The following CD44 variants were observed in gnomAD, a reference collection of about 807,000 sequenced individuals.
CD44 encodes CD44 antigen.
A neutral mutation model predicts 88.8 loss-of-function variants in CD44; 49 were observed. The ratio of observed to expected loss-of-function variants is 0.55; its 90% CI spans 0.44 to 0.70. The LOEUF is 0.70. Among genes scored for constraint, CD44 ranks in the 30% least tolerant of loss-of-function variants. CD44 has a pLI of 0.00. For missense variants in CD44, 883 were observed against 913.8 expected (o/e 0.97, Z 0.43); for synonymous variants, 325 against 312.3 (o/e 1.04, Z -0.43).
chr11:35,190,569 A>C (rs1308816735), intron 5 of CD44: 2 of 166,426 alleles, frequency 1.2e-5, no homozygotes, highest in African/African-American at 4.8e-5. Context: ...GACAATGAGC[A>C]GTAGGATATA....
intron 16 of CD44, among the ~76,000 whole-genome samples, chr11:35,221,078 G>T (rs1949257053): frequency 6.6e-6 from 1 of 152,150 alleles, no homozygotes; most frequent in Non-Finnish European, 1.5e-5. Context: ...ATTTTAAAAT[G>T]TAAAATATAT....
At chr11:35,190,565 G>C (rs1273559632) in intron 5 of CD44, 1 of 167,146 alleles carries the variant, frequency 6.0e-6, no homozygotes, top group African/African-American at 2.4e-5. Flanking sequence ...TGATGACAAT[G>C]AGCAGTAGGA....
chr11:35,221,828 G>A, intron 17 of CD44, 96 bp downstream of exon 17: 1 of 1,105,274 alleles, frequency 9.0e-7, no homozygotes, highest in Admixed American at 1.7e-5. Flanking sequence ...CCTGGAACCA[G>A]CAGCCTGGGT....
intron 1 of CD44, among the ~76,000 whole-genome samples, chr11:35,146,777 C>T (rs1165937321): frequency 2.6e-5 from 4 of 152,112 alleles, no homozygotes; most frequent in Non-Finnish European, 4.4e-5. Flanking sequence ...GAAATCCAGA[C>T]GATTGTACCT....
intron 15 of CD44, among the ~76,000 whole-genome samples, chr11:35,217,186 G>T (rs1948896855): frequency 1.3e-5 from 2 of 151,934 alleles, no homozygotes; most frequent in Admixed American, 6.5e-5. Context: ...TTTGGCTTCT[G>T]AGCAGGTGTC....
chr11:35,203,946 C>CATGT (rs1947561098), intron 9 of CD44, among the ~76,000 whole-genome samples: 1 of 152,172 alleles, frequency 6.6e-6, no homozygotes, highest in Admixed American at 6.5e-5. Flanking sequence ...TTTTAGGTGC[C>CATGT]ATGTGGACAT....
chr11:35,181,643 G>A (rs1443060566), intron 3 of CD44, among the ~76,000 whole-genome samples: 1 of 139,302 alleles, frequency 7.2e-6, no homozygotes, highest in Non-Finnish European at 1.5e-5. Flanking sequence ...TTATCAGCCT[G>A]AGACAAACAC....
chr11:35,139,456 C>T, intron 1 of CD44, 86 bp downstream of exon 1: 2 of 1,212,144 alleles, frequency 1.6e-6, no homozygotes, highest in Non-Finnish European at 2.4e-6. Context: ...CTGAGTCGGC[C>T]CTGGGGGACT....
chr11:35,176,796 T>A, intron 2 of CD44, 56 bp downstream of exon 2: 2 of 1,545,828 alleles, frequency 1.3e-6, no homozygotes, highest in Non-Finnish European at 1.8e-6. Flanking sequence ...ACCAGGCAGC[T>A]GGGCTTAGAA....
intron 11 of CD44, among the ~76,000 whole-genome samples, chr11:35,206,538 T>C (rs1392289466): frequency 2.6e-5 from 4 of 151,884 alleles, no homozygotes; most frequent in African/African-American, 9.7e-5. Flanking sequence ...TTGCCAACAA[T>C]AAACGCTAAA....
At chr11:35,145,002 G>A (rs1268830812) in intron 1 of CD44, among the ~76,000 whole-genome samples, 1 of 152,200 alleles carries the variant, frequency 6.6e-6, no homozygotes, top group Non-Finnish European at 1.5e-5. Context: ...TAAGCCACAT[G>A]TTTGATTCTT....
chr11:35,196,941 C>G (rs1946817018), intron 6 of CD44, 67 bp downstream of exon 6: 1 of 1,533,246 alleles, frequency 6.5e-7, no homozygotes, highest in Admixed American at 1.8e-5. Context: ...TGATTGACCT[C>G]TGGGATGTTA....
Position 35,139,206 on chromosome 11 carries a change from C to T in CD44, c.-98C>T, listed in dbSNP as rs531754398. 94 of 906,592 alleles carry T rather than the reference C, an allele frequency of 1.0e-4. No individual in the cohort carries two copies. The Admixed American group carries it at 1.7e-3, about 16-fold the overall frequency. 56.2% of individuals were successfully genotyped at this position (906,592 alleles called of 1,614,324 possible). On this transcript the variant is annotated 5_prime_UTR_variant, in exon 1 of 18. Coordinates refer to ENST00000428726, the MANE Select transcript of CD44 (RefSeq NM_000610.4). ...AGCGGACCCCAGCCTCTGCCAGGTT[C>T]GGTCCGCCATCCTCGTCCCGTCCTC...
chr11:35,175,864 C>CTTTTTTTT (rs71457374), intron 1 of CD44, among the ~76,000 whole-genome samples: 2 of 123,186 alleles, frequency 1.6e-5, no homozygotes, highest in South Asian at 2.7e-4. Context: ...TTTGTTTGTT[C>CTTTTTTTT]TTTTTTTTTT....
At chr11:35,203,877 A>G (rs1947557199) in intron 9 of CD44, among the ~76,000 whole-genome samples, 1 of 152,220 alleles carries the variant, frequency 6.6e-6, no homozygotes, top group African/African-American at 2.4e-5. Flanking sequence ...TAATGCCTCA[A>G]ACTGGCTTGG....
At chr11:35,225,344 G>T (rs1274720975) in intron 17 of CD44, among the ~76,000 whole-genome samples, 1 of 152,142 alleles carries the variant, frequency 6.6e-6, no homozygotes, top group Non-Finnish European at 1.5e-5. Context: ...TGCCATAAAA[G>T]TATGTTACCT....
chr11:35,166,910 A>G (rs1231009815), intron 1 of CD44, among the ~76,000 whole-genome samples: 2 of 152,350 alleles, frequency 1.3e-5, no homozygotes, highest in South Asian at 2.1e-4. Context: ...ACCAAGTGTG[A>G]TTCTGGCCTC....
In CD44 at chr11:35,181,926, T is replaced by TATTATAA. The variant is rs10675782; in HGVS notation, c.367+1519_367+1520insATTATAA. ...TATATAATATATATTATATATTATATTATATATAAATTATATATAATATAT... is the reference window on the plus strand; with the variant it reads ...TATATAATATATATTATATATTATATATTATAATATATATAAATTATATATAATATAT... On this transcript the variant is annotated intron_variant, in intron 3 of 17. Coordinates refer to ENST00000428726, the MANE Select transcript of CD44 (RefSeq NM_000610.4). 5.9e-3 allele frequency among the ~76,000 whole-genome samples: 261 copies of TATTATAA among 44,316 alleles called. 4 individuals carry two copies. Among genetic ancestry groups the TATTATAA allele is most frequent in the African/African-American group, 0.024 (254 of 10,510 alleles). 29.1% of individuals were successfully genotyped at this position (44,316 alleles called of 152,430 possible).
intron 10 of CD44, among the ~76,000 whole-genome samples, chr11:35,205,359 A>G (rs944890061): frequency 1.3e-5 from 2 of 152,128 alleles, no homozygotes; most frequent in Middle Eastern, 3.2e-3. Flanking sequence ...AGTGAGAAAT[A>G]TTCCCATATT....
Sources: gnomAD v4.1 joint callset for allele counts (sites outside exome capture counted in the v4.1 genomes callset) on GRCh38, gnomAD v4.1.1 for gene constraint, MANE v1.5 for transcripts, NCBI Gene and HGNC (gene_info 2026-07-23, HGNC 2026-07-21) for gene names.